The following CSTPP1 variants were observed in gnomAD, a reference collection of about 807,000 sequenced individuals.
The protein encoded by CSTPP1 is centriolar satellite-associated tubulin polyglutamylase complex regulator 1, also known as UPF0705 protein C11orf49.
At chr11:47,065,830 G>A in the CSTPP1 span, among the ~76,000 whole-genome samples, 4 of 151,508 alleles carry the variant, frequency 2.6e-5, no homozygotes, top group Admixed American at 6.6e-5. Flanking sequence ...TGCAACCTCC[G>A]CCACCCGGGT....
chr11:47,155,228 C>T, the CSTPP1 span: 12 of 1,613,820 alleles, frequency 7.4e-6, no homozygotes, highest in South Asian at 1.3e-4. Context: ...TTCAGATTTC[C>T]TCTTTGCCTT....
the CSTPP1 span, among the ~76,000 whole-genome samples, chr11:46,998,994 C>G: frequency 6.6e-6 from 1 of 152,054 alleles, no homozygotes; most frequent in Admixed American, 6.6e-5. Context: ...CCTGCCTCGG[C>G]CTTCCAAAGT....
At chr11:47,138,498 G>T in the CSTPP1 span, among the ~76,000 whole-genome samples, 1 of 152,170 alleles carries the variant, frequency 6.6e-6, no homozygotes, top group African/African-American at 2.4e-5. Context: ...TAAAGCCCCA[G>T]TTGAAGGAAA....
the CSTPP1 span, among the ~76,000 whole-genome samples, chr11:47,105,606 T>A: frequency 6.6e-6 from 1 of 152,206 alleles, no homozygotes; most frequent in African/African-American, 2.4e-5. Context: ...TGTTATATAA[T>A]CCTCACAATA....
At chr11:47,111,692 T>G in the CSTPP1 span, among the ~76,000 whole-genome samples, 1 of 152,094 alleles carries the variant, frequency 6.6e-6, no homozygotes, top group African/African-American at 2.4e-5. Context: ...AGGCCTTTGA[T>G]CTGTTTGATT....
At chr11:47,157,922 G>C in the CSTPP1 span, 1 of 1,612,700 alleles carries the variant, frequency 6.2e-7, no homozygotes, top group Non-Finnish European at 8.5e-7. Context: ...CCAAGCCCTC[G>C]GTAAGTCAGA....
At chr11:47,094,856 GAA>G in the CSTPP1 span, among the ~76,000 whole-genome samples, 33 of 152,190 alleles carry the variant, frequency 2.2e-4, no homozygotes, top group Admixed American at 1.1e-3. Context: ...AGATGAGAAA[GAA>G]GAGCTGAATT....
At chr11:47,022,121 G>A in the CSTPP1 span, among the ~76,000 whole-genome samples, 50 of 142,414 alleles carry the variant, frequency 3.5e-4, no homozygotes, top group South Asian at 0.01. Context: ...TTTCAGACAT[G>A]TGGAAAGCAT....
At chr11:47,136,163 T>G in the CSTPP1 span, among the ~76,000 whole-genome samples, 1 of 152,232 alleles carries the variant, frequency 6.6e-6, no homozygotes, top group East Asian at 1.9e-4. Flanking sequence ...AAGATAGAAC[T>G]TTCCTTTATT....
the CSTPP1 span, among the ~76,000 whole-genome samples, chr11:47,158,352 AATC>A: frequency 1.3e-5 from 2 of 151,578 alleles, no homozygotes; most frequent in African/African-American, 4.8e-5. Flanking sequence ...TGAAAAAAAA[AATC>A]TGATTAATCT....
chr11:47,045,896 C>T, the CSTPP1 span, among the ~76,000 whole-genome samples: 1 of 152,028 alleles, frequency 6.6e-6, no homozygotes, highest in Admixed American at 6.6e-5. Flanking sequence ...AAGCAATTCT[C>T]CTGCCTCAGC....
the CSTPP1 span, among the ~76,000 whole-genome samples, chr11:47,068,438 G>A: frequency 1.8e-4 from 27 of 152,094 alleles, no homozygotes; most frequent in East Asian, 9.7e-4. Flanking sequence ...AGGCTGAGGT[G>A]GGAGAATTGT....
chr11:47,062,898 A>C, the CSTPP1 span, among the ~76,000 whole-genome samples: 1 of 152,220 alleles, frequency 6.6e-6, no homozygotes, highest in Admixed American at 6.5e-5. Context: ...TCCTGCAGGG[A>C]GACAGTTCAC....
chr11:47,076,939 A>AGGCAAAG, the CSTPP1 span, among the ~76,000 whole-genome samples: 1 of 148,118 alleles, frequency 6.8e-6, no homozygotes, highest in Admixed American at 7.0e-5. Context: ...TACCCAGCAA[A>AGGCAAAG]GGCAAAGAAG....
the CSTPP1 span, among the ~76,000 whole-genome samples, chr11:47,013,513 T>G: frequency 6.6e-6 from 1 of 152,126 alleles, no homozygotes; most frequent in South Asian, 2.1e-4. Context: ...GGTTTTCTGT[T>G]TCTGTGTTAG....
At chr11:47,056,018 C>T in the CSTPP1 span, among the ~76,000 whole-genome samples, 2 of 152,198 alleles carry the variant, frequency 1.3e-5, no homozygotes, top group African/African-American at 2.4e-5. Context: ...CTCACTCAGT[C>T]AGCAAATATT....
the CSTPP1 span, among the ~76,000 whole-genome samples, chr11:46,955,999 C>T: frequency 8.9e-6 from 1 of 112,044 alleles, no homozygotes; most frequent in Non-Finnish European, 2.0e-5. Context: ...CCCCCCCCCC[C>T]ACCAAAAAAA....
At chr11:47,053,627 A>G in the CSTPP1 span, among the ~76,000 whole-genome samples, 3 of 151,652 alleles carry the variant, frequency 2.0e-5, no homozygotes, top group Non-Finnish European at 4.4e-5. Flanking sequence ...CTCAAAAAAA[A>G]AAAAAAAGAA....
At chr11:47,061,347 G>GT in the CSTPP1 span, among the ~76,000 whole-genome samples, 2 of 152,238 alleles carry the variant, frequency 1.3e-5, no homozygotes, top group South Asian at 4.1e-4. Context: ...AAATCTGTTA[G>GT]TTTTTCTAAA....
Sources: allele counts gnomAD v4.1 joint callset (sites outside exome capture counted in the v4.1 genomes callset), GRCh38; gene constraint gnomAD v4.1.1; transcripts MANE v1.5; gene names NCBI Gene and HGNC (gene_info 2026-07-23, HGNC 2026-07-21).